LRRN2: variants seen among roughly 807,000 people sequenced by gnomAD.
LRRN2 encodes the protein leucine rich repeat neuronal 2, also known as leucine-rich repeat neuronal protein 2.
LRRN2 carries 10 observed loss-of-function variants against 35.7 expected under a neutral mutation model. The ratio of observed to expected loss-of-function variants is 0.28; its 90% CI spans 0.17 to 0.47. The LOEUF is 0.47. Ranked by LOEUF, LRRN2 falls within the 20% of genes least tolerant of loss-of-function variation. The pLI is 0.99. For synonymous variants in LRRN2, 391 were observed against 409.6 expected (o/e 0.95, Z 0.55); for missense variants, 731 against 940.3 (o/e 0.78, Z 2.91).
intron 1 of LRRN2, among the ~76,000 whole-genome samples, chr1:204,633,535 A>G (rs1472869396): frequency 3.3e-5 from 5 of 152,220 alleles, no homozygotes; most frequent in African/African-American, 1.2e-4. Context: ...ACTGATTAGT[A>G]GCCAGGCTTT....
intron 1 of LRRN2, among the ~76,000 whole-genome samples, chr1:204,660,776 G>C (rs1279702392): frequency 6.6e-6 from 1 of 152,172 alleles, no homozygotes; most frequent in Non-Finnish European, 1.5e-5. Context: ...AAGCAGGCTT[G>C]TTCTGTGCAA....
At chr1:204,638,783 C>T (rs1667909538) in intron 1 of LRRN2, among the ~76,000 whole-genome samples, 1 of 152,170 alleles carries the variant, frequency 6.6e-6, no homozygotes, top group African/African-American at 2.4e-5. Context: ...TCTTTAGGGC[C>T]CCATGATGCC....
At chr1:204,640,940 G>A (rs915338036) in intron 1 of LRRN2, among the ~76,000 whole-genome samples, 3 of 151,492 alleles carry the variant, frequency 2.0e-5, no homozygotes, top group African/African-American at 7.3e-5. Flanking sequence ...GGCATTAAGA[G>A]AGTTAATGTG....
At chr1:204,626,239 A>G (rs1204682028) in intron 1 of LRRN2, among the ~76,000 whole-genome samples, 1 of 151,990 alleles carries the variant, frequency 6.6e-6, no homozygotes, top group East Asian at 1.9e-4. Flanking sequence ...CAAAGGCTGG[A>G]AATGCCCGCC....
At chr1:204,663,189 C>T (rs542462119) in intron 1 of LRRN2, among the ~76,000 whole-genome samples, 2 of 152,294 alleles carry the variant, frequency 1.3e-5, no homozygotes, top group African/African-American at 4.8e-5. Context: ...AGGGCAGTGG[C>T]CCCTGGGAGT....
intron 1 of LRRN2, among the ~76,000 whole-genome samples, chr1:204,624,359 C>G (rs1003102659): frequency 2.0e-5 from 3 of 152,116 alleles, no homozygotes; most frequent in Non-Finnish European, 4.4e-5. Context: ...CTGCTTTTTG[C>G]GCAGCCAGTG....
chr1:204,678,080 C>G (rs939756018), intron 1 of LRRN2, among the ~76,000 whole-genome samples: 1 of 152,178 alleles, frequency 6.6e-6, no homozygotes, highest in African/African-American at 2.4e-5. Flanking sequence ...GCCGCGCCCC[C>G]CTGAGGAAGC....
At chr1:204,620,996 C>T (rs763105109) in intron 1 of LRRN2, 73 of 167,112 alleles carry the variant, frequency 4.4e-4, no homozygotes, top group Non-Finnish European at 6.3e-4. Context: ...ATGGGCTCCC[C>T]AGGACCCTAG....
rs1282306008 is a variant in LRRN2, at chr1:204,631,256, C to CAATATATATATATATATATA, written c.-226-11039_-226-11038insTATATATATATATATATATT. On this transcript the variant is annotated intron_variant, in intron 1 of 1. Transcript: ENST00000367177. ...CAAGAAGAGTGATACCTAGAGTGTT[C>CAATATATATATATATATATA]TATATATATATATATATATATATAT... is the stretch of plus-strand genomic sequence containing the variant. Among the ~76,000 whole-genome samples, 63 of 36,914 alleles carry CAATATATATATATATATATA rather than the reference C, an allele frequency of 1.7e-3. 10 individuals are homozygous for CAATATATATATATATATATA. Among genetic ancestry groups the CAATATATATATATATATATA allele is most frequent in the East Asian group, 3.3e-3 (4 of 1,212 alleles). The allele number at this position is 36,914 out of a possible 152,430, so 24.2% of individuals were successfully genotyped here. A position where few individuals can be genotyped will look rare whatever the true frequency, so the allele number is the denominator to read the frequency against.
chr1:204,654,312 T>C (rs1346198336), intron 1 of LRRN2, among the ~76,000 whole-genome samples: 1 of 152,154 alleles, frequency 6.6e-6, no homozygotes, highest in Non-Finnish European at 1.5e-5. Flanking sequence ...TTCAAAGCTG[T>C]TCACTGAAGA....
chr1:204,654,234 C>T (rs530143549), intron 1 of LRRN2, among the ~76,000 whole-genome samples: 1 of 152,198 alleles, frequency 6.6e-6, no homozygotes, highest in African/African-American at 2.4e-5. Flanking sequence ...GTAAAGCGGA[C>T]TGGATTAAGA....
intron 1 of LRRN2, among the ~76,000 whole-genome samples, chr1:204,683,655 C>T (rs935726425): frequency 3.9e-5 from 6 of 152,064 alleles, no homozygotes; most frequent in African/African-American, 1.4e-4. Flanking sequence ...GGGGGTGTTC[C>T]TAGGTGCCAG....
rs1485837699 is a variant in LRRN2, at chr1:204,659,552, T to TA, written c.-227+25767dup. On this transcript the variant is annotated intron_variant, in intron 1 of 1. Coordinates refer to ENST00000367177, the MANE Select transcript of LRRN2 (RefSeq NM_201630.2). ...ACCCAGCCTCCCAGGACATCTGTCT[T>TA]ACGGCCACCTAAGAGAATGAGGTTT... is the stretch of plus-strand genomic sequence containing the variant. 3.3e-5 allele frequency among the ~76,000 whole-genome samples: 5 copies of TA among 152,238 alleles called. No individual in the cohort carries two copies. In the East Asian group the frequency reaches 9.6e-4, roughly 29 times the overall value.
At chr1:204,651,805 C>A (rs747867043) in intron 1 of LRRN2, among the ~76,000 whole-genome samples, 4 of 152,172 alleles carry the variant, frequency 2.6e-5, no homozygotes, top group African/African-American at 4.8e-5. Flanking sequence ...GGGGACTGAG[C>A]AACTCTAGCT....
intron 1 of LRRN2, among the ~76,000 whole-genome samples, chr1:204,647,209 A>T (rs1668125785): frequency 1.3e-5 from 2 of 151,850 alleles, no homozygotes; most frequent in South Asian, 4.1e-4. Context: ...CCTTAAAGAG[A>T]CTGGTCTGGC....
At position 204,617,563 on chromosome 1, in the gene LRRN2, G is replaced by T; in HGVS notation, c.*288C>A. ...AGCCAAGCCAGGCCCAGGAGCCTCT[G>T]GGCAGAGAGAAGATGGGGAGGCAGG... On this transcript the variant is annotated 3_prime_UTR_variant, in exon 2 of 2. Transcript: ENST00000367177. 1 of 428,062 alleles carries T rather than the reference G, an allele frequency of 2.3e-6. No homozygotes were observed. The highest frequency in any genetic ancestry group is 4.2e-6 in the Non-Finnish European group (1 of 235,700). The allele number at this position is 428,062 out of a possible 1,614,324, so 26.5% of individuals were successfully genotyped here. A position where few individuals can be genotyped will look rare whatever the true frequency, so the allele number is the denominator to read the frequency against.
intron 1 of LRRN2, among the ~76,000 whole-genome samples, chr1:204,642,066 T>A (rs1273129390): frequency 6.6e-6 from 1 of 152,174 alleles, no homozygotes; most frequent in Non-Finnish European, 1.5e-5. Context: ...TAAAGCAGCT[T>A]GGAGGGGAGC....
chr1:204,666,962 CAAAAAAAAAA>C (rs34503593), intron 1 of LRRN2, among the ~76,000 whole-genome samples: 1 of 64,814 alleles, frequency 1.5e-5, no homozygotes, highest in African/African-American at 6.7e-5. Context: ...ACTCTGTCTC[CAAAAAAAAAA>C]AAAAAAAAAA....
chr1:204,668,873 G>T (rs1013287226), intron 1 of LRRN2, among the ~76,000 whole-genome samples: 1 of 152,222 alleles, frequency 6.6e-6, no homozygotes, highest in South Asian at 2.1e-4. Flanking sequence ...GCACAGGCTA[G>T]AGTGCAGTGG....
Sources: allele counts gnomAD v4.1 joint callset (sites outside exome capture counted in the v4.1 genomes callset), GRCh38; gene constraint gnomAD v4.1.1; transcripts MANE v1.5; gene names NCBI Gene and HGNC (gene_info 2026-07-23, HGNC 2026-07-21).